The following RAB2A variants were observed in gnomAD, a reference collection of about 807,000 sequenced individuals.
RAB2A encodes the protein RAB2A, member RAS oncogene family.
Under a neutral mutation model 32.5 loss-of-function variants are expected in RAB2A, and 7 were observed. That is an observed-to-expected ratio of 0.22 (90% CI 0.12 to 0.40). The LOEUF (loss-of-function observed/expected upper bound fraction) is 0.40. Ranked by LOEUF, RAB2A falls within the 10% of genes least tolerant of loss-of-function variation. The pLI is 1.00. For missense variants in RAB2A, 108 were observed against 260.7 expected, an observed-to-expected ratio of 0.41 and a Z score of 4.03; for synonymous variants, 79 against 85.2, an observed-to-expected ratio of 0.93 and a Z score of 0.40.
At chr8:60,521,765 C>T (rs913079428) in intron 1 of RAB2A, among the ~76,000 whole-genome samples, 13 of 152,070 alleles carry the variant, frequency 8.5e-5, no homozygotes, top group African/African-American at 2.9e-4. Flanking sequence ...GGATTACAGG[C>T]GTCTGCCCCC....
chr8:60,531,436 C>A (rs1235909858), intron 1 of RAB2A, among the ~76,000 whole-genome samples: 1 of 152,148 alleles, frequency 6.6e-6, no homozygotes, highest in Admixed American at 6.6e-5. Context: ...ATTATCTATA[C>A]CTCACAGGAT....
intron 1 of RAB2A, among the ~76,000 whole-genome samples, chr8:60,517,735 G>T (rs1219392525): frequency 6.6e-6 from 1 of 152,116 alleles, no homozygotes. Flanking sequence ...TGGGCAAGGC[G>T]CTTTTTGGCG....
At chr8:60,617,695 A>G (rs1312074790) in intron 6 of RAB2A, among the ~76,000 whole-genome samples, 1 of 152,154 alleles carries the variant, frequency 6.6e-6, no homozygotes, top group East Asian at 1.9e-4. Flanking sequence ...CAGTGAACCG[A>G]GATTGCGCCG....
At chr8:60,616,603 C>T (rs1804452233) in intron 6 of RAB2A, among the ~76,000 whole-genome samples, 1 of 152,260 alleles carries the variant, frequency 6.6e-6, no homozygotes, top group South Asian at 2.1e-4. Context: ...AGCCAGTTCC[C>T]TCTTCAGTTT....
chr8:60,573,011 C>A (rs56294255), intron 3 of RAB2A, among the ~76,000 whole-genome samples: 1 of 151,924 alleles, frequency 6.6e-6, no homozygotes, highest in Non-Finnish European at 1.5e-5. Context: ...GATTCTCATA[C>A]CTGCTTCTGC....
intron 1 of RAB2A, among the ~76,000 whole-genome samples, chr8:60,531,254 G>A (rs1586064265): frequency 6.6e-6 from 1 of 152,114 alleles, no homozygotes; most frequent in South Asian, 2.1e-4. Context: ...TGTAGTCCTC[G>A]CTGGTTATTT....
intron 1 of RAB2A, among the ~76,000 whole-genome samples, chr8:60,545,132 G>A (rs1807707746): frequency 6.6e-6 from 1 of 152,172 alleles, no homozygotes; most frequent in Non-Finnish European, 1.5e-5. Flanking sequence ...CCTGCAATTA[G>A]TGGGAAGTTG....
At position 60,550,487 on chromosome 8, in the gene RAB2A, C is replaced by T. The variant is rs561475223; in HGVS notation, c.47-8365C>T. ...GCAACCTCCACCTCCCAGGTTCAAG[C>T]GATCCTCCCACCTCAGCCCCCATGT... On this transcript the variant is annotated intron_variant, in intron 1 of 7. Transcript: ENST00000262646. Among the ~76,000 whole-genome samples, 7 of 151,910 alleles carry T rather than the reference C, an allele frequency of 4.6e-5. No homozygotes were observed. In the East Asian group the frequency reaches 5.8e-4, roughly 13 times the overall value.
intron 3 of RAB2A, 157 bp from the exon 4 acceptor site, chr8:60,584,051 G>C: frequency 1.7e-6 from 1 of 602,674 alleles, no homozygotes; most frequent in Non-Finnish European, 3.0e-6. Flanking sequence ...AGCAATAGCG[G>C]TGTTTTGTAA....
At chr8:60,601,465 G>C (rs1490165588) in intron 6 of RAB2A, among the ~76,000 whole-genome samples, 1 of 152,080 alleles carries the variant, frequency 6.6e-6, no homozygotes, top group Non-Finnish European at 1.5e-5. Flanking sequence ...AGCCTCCTGA[G>C]TAGATGGGAC....
chr8:60,554,367 C>T (rs568811567), intron 1 of RAB2A, among the ~76,000 whole-genome samples: 1 of 152,174 alleles, frequency 6.6e-6, no homozygotes, highest in South Asian at 2.1e-4. Context: ...AAGGATGATT[C>T]CAGGTTTCTT....
intron 1 of RAB2A, among the ~76,000 whole-genome samples, chr8:60,553,708 A>G (rs1240441611): frequency 1.3e-5 from 2 of 152,188 alleles, no homozygotes; most frequent in South Asian, 2.1e-4. Context: ...GTTACAGCTA[A>G]TAAGTGACAG....
chr8:60,530,059 C>A (rs952534995), intron 1 of RAB2A, among the ~76,000 whole-genome samples: 3 of 152,036 alleles, frequency 2.0e-5, no homozygotes, highest in African/African-American at 7.3e-5. Context: ...CCTCTGCCTC[C>A]TGGGCTCAAG....
At chr8:60,604,884 A>G (rs1278677425) in intron 6 of RAB2A, among the ~76,000 whole-genome samples, 1 of 152,228 alleles carries the variant, frequency 6.6e-6, no homozygotes, top group Non-Finnish European at 1.5e-5. Flanking sequence ...AGAAAAGTCC[A>G]TTTCAGGAGA....
chr8:60,598,082 C>T (rs574521635), intron 6 of RAB2A, among the ~76,000 whole-genome samples: 6 of 152,232 alleles, frequency 3.9e-5, no homozygotes, highest in Non-Finnish European at 5.9e-5. Flanking sequence ...CCTGTAATCC[C>T]GGCTACTCGG....
chr8:60,595,477 C>G (rs1018241115), intron 6 of RAB2A, among the ~76,000 whole-genome samples: 1 of 152,150 alleles, frequency 6.6e-6, no homozygotes, highest in Non-Finnish European at 1.5e-5. Context: ...AAAACAATGA[C>G]TTAGCTATAT....
intron 1 of RAB2A, among the ~76,000 whole-genome samples, chr8:60,527,014 G>GAAGAAA: frequency 6.6e-6 from 1 of 150,694 alleles, no homozygotes; most frequent in African/African-American, 2.4e-5. Flanking sequence ...GGGAATTTAT[G>GAAGAAA]AAGAAAAAGA....
chr8:60,605,853 A>ATATATATATG (rs201989396), intron 6 of RAB2A, among the ~76,000 whole-genome samples: 1 of 115,038 alleles, frequency 8.7e-6, no homozygotes, highest in African/African-American at 2.9e-5. Flanking sequence ...ATATATATAT[A>ATATATATATG]ATGCTTCATT....
At chr8:60,535,509 A>G in intron 1 of RAB2A, among the ~76,000 whole-genome samples, 1 of 152,174 alleles carries the variant, frequency 6.6e-6, no homozygotes, top group East Asian at 1.9e-4. Context: ...TTTCTGTATC[A>G]CCACATATAA....
Sources: allele counts gnomAD v4.1 joint callset (sites outside exome capture counted in the v4.1 genomes callset), GRCh38; gene constraint gnomAD v4.1.1; transcripts MANE v1.5; gene names NCBI Gene and HGNC (gene_info 2026-07-23, HGNC 2026-07-21).